Variants in GRIK2 observed in about 807,000 individuals in gnomAD.
The protein encoded by GRIK2 is glutamate receptor ionotropic, kainate 2.
Under a neutral mutation model 100.3 loss-of-function variants are expected in GRIK2, and 32 were observed. The ratio of observed to expected loss-of-function variants is 0.32; its 90% CI spans 0.24 to 0.43. GRIK2 has a LOEUF of 0.43. Among genes scored for constraint, GRIK2 ranks in the 20% least tolerant of loss-of-function variants. GRIK2 has a pLI of 1.00. For synonymous variants in GRIK2, 417 were observed against 389.4 expected, an observed-to-expected ratio of 1.07 and a Z score of -0.83; for missense variants, 843 against 1,114.9, an observed-to-expected ratio of 0.76 and a Z score of 3.47.
At position 101,859,292 on chromosome 6, in the gene GRIK2, G is replaced by A. The variant is rs867030658; in HGVS notation, c.1323G>A (p.Glu441=). 1 of 1,551,778 alleles carries A rather than the reference G, an allele frequency of 6.4e-7. No homozygotes were observed. The highest frequency in any genetic ancestry group is 1.7e-5 in the Admixed American group (1 of 59,936). ...TTCTTTTTCAATGTTTTCAGGAAGA[G>A]CCTTATGTCCTTTTTAAGAAGTCTG... The part of the protein sequence containing the change: ...RSLIVTTILE[E]PYVLFKKSDK... The change falls in exon 11 of 17, where the codon GAG becomes GAA. Residue 441 remains glutamate, a synonymous_variant. Coordinates refer to ENST00000369134, the MANE Select transcript of GRIK2 (RefSeq NM_021956.5).
chr6:101,535,233 G>A (rs1470124138), intron 2 of GRIK2, among the ~76,000 whole-genome samples: 1 of 151,848 alleles, frequency 6.6e-6, no homozygotes, highest in East Asian at 1.9e-4. Context: ...GGCATGATGT[G>A]TTTACTGTTG....
chr6:101,477,967 A>T (rs766462023), intron 2 of GRIK2, among the ~76,000 whole-genome samples: 1 of 152,170 alleles, frequency 6.6e-6, no homozygotes, highest in African/African-American at 2.4e-5. Flanking sequence ...AAGCTGAAAC[A>T]TATACTGTCT....
chr6:101,441,640 T>C (rs751643456), intron 2 of GRIK2, among the ~76,000 whole-genome samples: 1 of 152,144 alleles, frequency 6.6e-6, no homozygotes, highest in Non-Finnish European at 1.5e-5. Context: ...TTTTTTCTTT[T>C]CAACTGTTAG....
At chr6:101,714,829 AT>A (rs952260132) in intron 7 of GRIK2, among the ~76,000 whole-genome samples, 34 of 151,852 alleles carry the variant, frequency 2.2e-4, no homozygotes, top group Non-Finnish European at 4.4e-4. Context: ...AGAGGAATTA[AT>A]TTTTTTAAAG....
intron 7 of GRIK2, among the ~76,000 whole-genome samples, chr6:101,752,072 A>G (rs993313545): frequency 6.6e-6 from 1 of 152,072 alleles, no homozygotes; most frequent in Non-Finnish European, 1.5e-5. Context: ...ATAAATGCTT[A>G]TTTTCCTTTA....
At chr6:101,537,347 A>T (rs980883173) in intron 2 of GRIK2, among the ~76,000 whole-genome samples, 2 of 151,806 alleles carry the variant, frequency 1.3e-5, no homozygotes, top group Non-Finnish European at 2.9e-5. Flanking sequence ...TTATTTCCTC[A>T]AAAGCCAGTA....
intron 2 of GRIK2, among the ~76,000 whole-genome samples, chr6:101,420,893 G>T (rs1776380349): frequency 6.6e-6 from 1 of 152,120 alleles, no homozygotes; most frequent in Non-Finnish European, 1.5e-5. Flanking sequence ...GGGGAAAAAG[G>T]GTTAACATTT....
chr6:101,496,564 G>A (rs569490337), intron 2 of GRIK2, among the ~76,000 whole-genome samples: 1 of 152,174 alleles, frequency 6.6e-6, no homozygotes, highest in South Asian at 2.1e-4. Context: ...GATTAAATTG[G>A]CATTTAGAAA....
intron 2 of GRIK2, among the ~76,000 whole-genome samples, chr6:101,523,250 C>T (rs1216986879): frequency 6.6e-6 from 1 of 152,116 alleles, no homozygotes; most frequent in Non-Finnish European, 1.5e-5. Flanking sequence ...CCTCCTCCCT[C>T]ACCCAATTAA....
chr6:101,625,669 C>A (rs1466370513), intron 3 of GRIK2, among the ~76,000 whole-genome samples: 1 of 152,020 alleles, frequency 6.6e-6, no homozygotes, highest in Non-Finnish European at 1.5e-5. Flanking sequence ...TCATGCCTTT[C>A]TTAATTACTG....
chr6:102,064,811 T>C (rs1042667235), intron 16 of GRIK2, among the ~76,000 whole-genome samples: 4 of 151,186 alleles, frequency 2.6e-5, no homozygotes, highest in African/African-American at 9.7e-5. Flanking sequence ...AAAGAATGTA[T>C]ATTTGCTCTA....
At chr6:102,055,768 A>C (rs1771433922) in intron 16 of GRIK2, among the ~76,000 whole-genome samples, 188 bp downstream of exon 16, 2 of 152,080 alleles carry the variant, frequency 1.3e-5, no homozygotes, top group South Asian at 4.1e-4. Context: ...ACTCATGGTC[A>C]CCTTTATGAT....
At chr6:101,827,172 A>G (rs1459109304) in intron 10 of GRIK2, among the ~76,000 whole-genome samples, 1 of 151,978 alleles carries the variant, frequency 6.6e-6, no homozygotes, top group Non-Finnish European at 1.5e-5. Context: ...GAAATAAGGT[A>G]AATACAGTTT....
intron 9 of GRIK2, among the ~76,000 whole-genome samples, chr6:101,811,696 G>C (rs1781333277): frequency 6.6e-6 from 1 of 151,740 alleles, no homozygotes; most frequent in Admixed American, 6.6e-5. Context: ...GAGCTAACAT[G>C]CATCTTTAGA....
chr6:101,988,094 T>TGC (rs1235788887), intron 14 of GRIK2, among the ~76,000 whole-genome samples: 5 of 4,670 alleles, frequency 1.1e-3, no homozygotes, highest in African/African-American at 4.2e-3. Context: ...TATTATAGTG[T>TGC]GTGTGTGTGT....
chr6:101,911,489 T>G (rs1284774149), intron 12 of GRIK2, among the ~76,000 whole-genome samples: 1 of 151,544 alleles, frequency 6.6e-6, no homozygotes, highest in Non-Finnish European at 1.5e-5. Flanking sequence ...GAATGTTTTA[T>G]TTTGGGAGAT....
At chr6:101,787,680 C>A (rs78833520) in intron 7 of GRIK2, among the ~76,000 whole-genome samples, 3,919 of 152,138 alleles carry the variant, frequency 0.026, 176 homozygotes, top group African/African-American at 0.089. Context: ...GACTTTTGCA[C>A]CTTTTCAACT....
At chr6:101,773,858 C>A (rs1778563843) in intron 7 of GRIK2, among the ~76,000 whole-genome samples, 1 of 152,098 alleles carries the variant, frequency 6.6e-6, no homozygotes, top group South Asian at 2.1e-4. Flanking sequence ...ATCTCATATT[C>A]TTTCTATGAA....
At chr6:101,985,024 C>T (rs1238319602) in intron 14 of GRIK2, among the ~76,000 whole-genome samples, 1 of 151,630 alleles carries the variant, frequency 6.6e-6, no homozygotes, top group Admixed American at 6.6e-5. Flanking sequence ...CAAGGCTTCA[C>T]ATAACACAGT....
Sources: gnomAD v4.1 joint callset for allele counts (sites outside exome capture counted in the v4.1 genomes callset) on GRCh38, gnomAD v4.1.1 for gene constraint, MANE v1.5 for transcripts, NCBI Gene and HGNC (gene_info 2026-07-23, HGNC 2026-07-21) for gene names.